DENND5A: variants seen among roughly 807,000 people sequenced by gnomAD.
The protein encoded by DENND5A is DENN domain-containing protein 5A.
Under a neutral mutation model 140.3 loss-of-function variants are expected in DENND5A, and 64 were observed. The observed-to-expected ratio is 0.46, with a 90% CI of 0.37 to 0.56. DENND5A has a LOEUF of 0.56. DENND5A is among the 20% of genes least tolerant of loss of function. The probability of loss-of-function intolerance (pLI) is 0.00; values close to 1 mark genes in which losing one functional copy is unlikely to be tolerated. For synonymous variants in DENND5A, 605 were observed against 607.7 expected (o/e 1.00, Z 0.07); for missense variants, 1,292 against 1,593.8 (o/e 0.81, Z 3.22).
intron 1 of DENND5A, among the ~76,000 whole-genome samples, chr11:9,230,266 A>T (rs1850716208): frequency 9.3e-6 from 1 of 107,104 alleles, no homozygotes; most frequent in Non-Finnish European, 1.8e-5. Flanking sequence ...TTTTGAGACA[A>T]GTCTCACTTT....
chr11:9,162,713 A>G (rs1848029161), intron 11 of DENND5A, among the ~76,000 whole-genome samples: 1 of 152,028 alleles, frequency 6.6e-6, no homozygotes, highest in Non-Finnish European at 1.5e-5. Flanking sequence ...GCCTGTATGT[A>G]TCTTTAAGAC....
Position 9,206,697 on chromosome 11 carries a change from G to C in DENND5A, c.267C>G (p.Pro89=), listed in dbSNP as rs766081940. The change falls in exon 3 of 23, where the codon CCC becomes CCG. Residue 89 remains proline, a synonymous_variant. Transcript: ENST00000328194. The part of the protein sequence containing the change: ...ARYPENVEWN[P]FDQDAVGMLC... The stretch of plus-strand genomic sequence containing the variant: ...CCATTCCTACTGCATCTTGGTCAAA[G>C]GGATTCCATTCTACGTTCTCAGGAT... 2 of 1,613,204 alleles carry C rather than the reference G, an allele frequency of 1.2e-6. No homozygotes were observed. The highest frequency in any genetic ancestry group is 1.7e-6 in the Non-Finnish European group (2 of 1,179,288).
chr11:9,256,967 C>T (rs1184328751), intron 1 of DENND5A, among the ~76,000 whole-genome samples: 1 of 152,122 alleles, frequency 6.6e-6, no homozygotes, highest in Non-Finnish European at 1.5e-5. Flanking sequence ...TGTTAACAAT[C>T]GGTGAATCTG....
intron 1 of DENND5A, among the ~76,000 whole-genome samples, chr11:9,234,920 C>T (rs894146614): frequency 4.6e-5 from 7 of 152,124 alleles, no homozygotes; most frequent in African/African-American, 1.7e-4. Context: ...GTGAGACTCC[C>T]GATTTCCCAC....
At chr11:9,167,913 C>T (rs1189649483) in intron 10 of DENND5A, among the ~76,000 whole-genome samples, 1 of 152,166 alleles carries the variant, frequency 6.6e-6, no homozygotes, top group African/African-American at 2.4e-5. Context: ...TAGAAGTAAC[C>T]TCTGCTTTCT....
chr11:9,243,124 G>A (rs905086679), intron 1 of DENND5A, among the ~76,000 whole-genome samples: 1 of 146,878 alleles, frequency 6.8e-6, no homozygotes, highest in Non-Finnish European at 1.5e-5. Flanking sequence ...AAACTGAGGC[G>A]AGTAAGGCTA....
At chr11:9,178,692 A>G (rs1208820905) in intron 7 of DENND5A, among the ~76,000 whole-genome samples, 166 bp downstream of exon 7, 3 of 152,178 alleles carry the variant, frequency 2.0e-5, no homozygotes, top group Admixed American at 2.0e-4. Flanking sequence ...CAGCACATCT[A>G]TTCATAAGCA....
intron 1 of DENND5A, among the ~76,000 whole-genome samples, chr11:9,263,375 G>C (rs1852293032): frequency 1.3e-5 from 2 of 150,246 alleles, no homozygotes; most frequent in East Asian, 2.1e-4. Context: ...CACGCGCCAC[G>C]ACGCCCGGCT....
chr11:9,208,335 C>T (rs943177353), intron 1 of DENND5A, among the ~76,000 whole-genome samples: 3 of 152,188 alleles, frequency 2.0e-5, no homozygotes, highest in African/African-American at 7.2e-5. Context: ...GTCCTGTTTG[C>T]GTGTGCTAGT....
At chr11:9,234,416 G>C (rs7115062) in intron 1 of DENND5A, among the ~76,000 whole-genome samples, 55,222 of 151,776 alleles carry the variant, frequency 0.36, 10,539 homozygotes, top group South Asian at 0.6. Context: ...ATCTACTTGA[G>C]TAGTAGTCAA....
intron 1 of DENND5A, among the ~76,000 whole-genome samples, chr11:9,225,001 T>G (rs1452225094): frequency 6.6e-6 from 1 of 152,184 alleles, no homozygotes; most frequent in East Asian, 1.9e-4. Context: ...GTAGTTCATA[T>G]GACATGGTTT....
intron 15 of DENND5A, among the ~76,000 whole-genome samples, chr11:9,147,939 G>C (rs980493575): frequency 2.0e-5 from 3 of 152,218 alleles, no homozygotes; most frequent in Non-Finnish European, 2.9e-5. Context: ...ACCATGGCCA[G>C]ACGGGTACAG....
chr11:9,236,060 G>C (rs1382844456), intron 1 of DENND5A, among the ~76,000 whole-genome samples: 1 of 151,902 alleles, frequency 6.6e-6, no homozygotes, highest in African/African-American at 2.4e-5. Flanking sequence ...AAGCAACAAG[G>C]TGAGAATCCA....
At chr11:9,250,549 A>G (rs1208042343) in intron 1 of DENND5A, among the ~76,000 whole-genome samples, 1 of 152,146 alleles carries the variant, frequency 6.6e-6, no homozygotes, top group African/African-American at 2.4e-5. Flanking sequence ...AAAAACAAAC[A>G]AACCTCAGTA....
At position 9,264,855 on chromosome 11, in the gene DENND5A, A is replaced by G. The variant is rs1446422022; in HGVS notation, c.109+106T>C. 8 of 1,038,534 alleles carry G rather than the reference A, an allele frequency of 7.7e-6. No individual in the cohort carries two copies. The Admixed American group carries it at 2.0e-4, about 25-fold the overall frequency. 64.3% of individuals were successfully genotyped at this position (1,038,534 alleles called of 1,614,324 possible). ...GCGCCCGCCCTGGTCCTCCCGGCCGACACTCGCCCGGCTCCCGGGACAAAG... is the reference window on the plus strand; with the variant it reads ...GCGCCCGCCCTGGTCCTCCCGGCCGGCACTCGCCCGGCTCCCGGGACAAAG... On this transcript the variant is annotated intron_variant, in intron 1 of 22. Coordinates refer to ENST00000328194, the MANE Select transcript of DENND5A (RefSeq NM_015213.4).
chr11:9,201,252 G>A (rs1262632221), intron 4 of DENND5A, among the ~76,000 whole-genome samples: 3 of 151,536 alleles, frequency 2.0e-5, no homozygotes, highest in African/African-American at 4.9e-5. Flanking sequence ...GTGGGCACCT[G>A]TAGTCCCAGC....
At chr11:9,189,344 T>C (rs1480488469) in intron 5 of DENND5A, among the ~76,000 whole-genome samples, 1 of 152,188 alleles carries the variant, frequency 6.6e-6, no homozygotes, top group Non-Finnish European at 1.5e-5. Flanking sequence ...GAACTTCTGC[T>C]AGAGTAGTGC....
intron 17 of DENND5A, chr11:9,145,384 G>A (rs1164984777): frequency 1.7e-6 from 1 of 579,012 alleles, no homozygotes; most frequent in African/African-American, 1.9e-5. Flanking sequence ...GGAACAGGTG[G>A]GCTGAGTAGC....
Position 9,169,926 on chromosome 11 carries a change from G to C in DENND5A, c.2081C>G (p.Ala694Gly), listed in dbSNP as rs1476483075. The change falls in exon 10 of 23, where the codon GCC (alanine) becomes GGC (glycine). Residue 694 changes from alanine to glycine, a missense_variant. Ala to Gly is a moderately conservative substitution (Grantham distance 60). Coordinates refer to ENST00000328194, the MANE Select transcript of DENND5A (RefSeq NM_015213.4). Reference protein sequence around the residue: ...SNKWTKRNAPAQWRRKDRQKQ... With the variant: ...SNKWTKRNAPGQWRRKDRQKQ... ...CTGCCGATCTTTCCGCCTCCACTGG[G>C]CAGGGGCATTCCTTTTCGTCCACCT... is the stretch of plus-strand genomic sequence containing the variant. The C allele has an allele frequency of 6.2e-7, 1 of 1,613,500 alleles. No homozygotes were observed. Among genetic ancestry groups the C allele is most frequent in the East Asian group, 2.2e-5 (1 of 44,884 alleles).
Sources: gnomAD v4.1 joint callset for allele counts (sites outside exome capture counted in the v4.1 genomes callset) on GRCh38, gnomAD v4.1.1 for gene constraint, MANE v1.5 for transcripts, NCBI Gene and HGNC (gene_info 2026-07-23, HGNC 2026-07-21) for gene names.